QTMAN: variants seen among roughly 807,000 people sequenced by gnomAD.
QTMAN encodes tRNA-queuosine alpha-mannosyltransferase.
the QTMAN span, among the ~76,000 whole-genome samples, chr2:144,289,784 C>A: frequency 1.5e-4 from 23 of 152,258 alleles, no homozygotes; most frequent in East Asian, 4.4e-3. Context: ...AAAACACGAT[C>A]CAACTATGTG....
chr2:144,061,977 C>T, the QTMAN span, among the ~76,000 whole-genome samples: 1,199 of 152,258 alleles, frequency 7.9e-3, 6 homozygotes, highest in Non-Finnish European at 0.013. Context: ...AGCTTTCCAT[C>T]CTGCTGAGAG....
the QTMAN span, among the ~76,000 whole-genome samples, chr2:144,022,067 T>C: frequency 2.6e-5 from 4 of 152,170 alleles, no homozygotes; most frequent in African/African-American, 9.7e-5. Context: ...GATTTTGCTT[T>C]TTATTATAAA....
At chr2:144,255,905 GGGGTGGGGGAGGTTGAT>G in the QTMAN span, among the ~76,000 whole-genome samples, 1 of 152,208 alleles carries the variant, frequency 6.6e-6, no homozygotes, top group African/African-American at 2.4e-5. Flanking sequence ...ACACACCACT[GGGGTGGGGGAGGTTGAT>G]GGTTGGGGGA....
the QTMAN span, among the ~76,000 whole-genome samples, chr2:144,259,554 C>T: frequency 1.3e-5 from 2 of 152,104 alleles, no homozygotes; most frequent in African/African-American, 2.4e-5. Flanking sequence ...ACTCTTTTGG[C>T]GAGCGACCAA....
the QTMAN span, among the ~76,000 whole-genome samples, chr2:144,102,295 T>A: frequency 2.0e-5 from 3 of 152,198 alleles, no homozygotes; most frequent in Non-Finnish European, 4.4e-5. Context: ...ATTACGAAGT[T>A]GGTTTGTGAA....
chr2:144,036,697 T>G, the QTMAN span, among the ~76,000 whole-genome samples: 1 of 152,174 alleles, frequency 6.6e-6, no homozygotes, highest in Non-Finnish European at 1.5e-5. Flanking sequence ...ACATTATATT[T>G]TAAAGGATCC....
the QTMAN span, among the ~76,000 whole-genome samples, chr2:144,025,951 A>G: frequency 3.9e-5 from 6 of 152,066 alleles, no homozygotes; most frequent in Non-Finnish European, 7.4e-5. Context: ...TTTCCCTTCC[A>G]CCATTGCCTT....
chr2:144,281,395 C>CAAAAAAAA, the QTMAN span, among the ~76,000 whole-genome samples: 1 of 60,592 alleles, frequency 1.7e-5, no homozygotes, highest in African/African-American at 6.4e-5. Flanking sequence ...ATTGTTATAG[C>CAAAAAAAA]AAAAAAAAAA....
At chr2:144,022,673 C>T in the QTMAN span, among the ~76,000 whole-genome samples, 2 of 150,136 alleles carry the variant, frequency 1.3e-5, no homozygotes, top group Non-Finnish European at 2.9e-5. Context: ...AAGCAATTCT[C>T]CTGCCTCAGC....
chr2:144,231,843 G>GGTGTGTGTGTGTGT, the QTMAN span, among the ~76,000 whole-genome samples: 24 of 138,340 alleles, frequency 1.7e-4, no homozygotes, highest in Non-Finnish European at 2.8e-4. Context: ...GAATGAAAGA[G>GGTGTGTGTGTGTGT]GTGTGTGTGT....
chr2:144,149,229 T>G, the QTMAN span, among the ~76,000 whole-genome samples: 1 of 152,008 alleles, frequency 6.6e-6, no homozygotes, highest in African/African-American at 2.4e-5. Context: ...CCACAGTGTG[T>G]CTCTAGCAGG....
At chr2:144,031,291 A>G in the QTMAN span, among the ~76,000 whole-genome samples, 1 of 152,136 alleles carries the variant, frequency 6.6e-6, no homozygotes, top group African/African-American at 2.4e-5. Context: ...GGGTATAGTG[A>G]CAGGATACCC....
chr2:144,321,652 G>A, the QTMAN span, among the ~76,000 whole-genome samples: 1 of 152,144 alleles, frequency 6.6e-6, no homozygotes, highest in Non-Finnish European at 1.5e-5. Context: ...CACCCAGGCT[G>A]AATACAGCAG....
At chr2:144,055,367 AC>A in the QTMAN span, among the ~76,000 whole-genome samples, 1 of 143,952 alleles carries the variant, frequency 6.9e-6, no homozygotes, top group Non-Finnish European at 1.5e-5. Context: ...ACACACACAC[AC>A]CCCTCTGAGA....
chr2:144,231,977 A>G, the QTMAN span, among the ~76,000 whole-genome samples: 1 of 152,090 alleles, frequency 6.6e-6, no homozygotes, highest in East Asian at 1.9e-4. Flanking sequence ...ATCAAGTGAA[A>G]AAAGTTTCGC....
chr2:144,005,375 ACC>A, the QTMAN span, among the ~76,000 whole-genome samples: 2 of 152,080 alleles, frequency 1.3e-5, no homozygotes, highest in Non-Finnish European at 2.9e-5. Context: ...TCAGGCGGGA[ACC>A]TGCGGATGAT....
At chr2:144,077,142 T>C in the QTMAN span, among the ~76,000 whole-genome samples, 4 of 152,230 alleles carry the variant, frequency 2.6e-5, no homozygotes, top group African/African-American at 7.2e-5. Context: ...ACTAAATGTA[T>C]TTCACTACTT....
chr2:143,949,869 TAAC>T, the QTMAN span, among the ~76,000 whole-genome samples: 4 of 151,818 alleles, frequency 2.6e-5, no homozygotes, highest in African/African-American at 9.7e-5. Context: ...TTAAATCCTA[TAAC>T]AACACACAAA....
At chr2:144,122,799 G>A in the QTMAN span, among the ~76,000 whole-genome samples, 2 of 152,022 alleles carry the variant, frequency 1.3e-5, no homozygotes, top group Non-Finnish European at 2.9e-5. Context: ...TTCTATTATT[G>A]GAAATTCAGA....
Sources: gnomAD v4.1 joint callset for allele counts (sites outside exome capture counted in the v4.1 genomes callset) on GRCh38, gnomAD v4.1.1 for gene constraint, MANE v1.5 for transcripts, NCBI Gene and HGNC (gene_info 2026-07-23, HGNC 2026-07-21) for gene names.